The following C17orf78 variants were observed in gnomAD, a reference collection of about 807,000 sequenced individuals.
The protein encoded by C17orf78 is uncharacterized protein C17orf78.
A neutral mutation model predicts 31.8 loss-of-function variants in C17orf78; 27 were observed. That is an observed-to-expected ratio of 0.85 (90% CI 0.63 to 1.17). The LOEUF (loss-of-function observed/expected upper bound fraction) is 1.17. C17orf78 is among the 50% of genes most tolerant of loss of function. The pLI is 0.00. For synonymous variants in C17orf78, 106 were observed against 115.1 expected (o/e 0.92, Z 0.51); for missense variants, 258 against 315.2 (o/e 0.82, Z 1.37).
intron 2 of C17orf78, 121 bp from the exon 3 acceptor site, chr17:37,379,016 G>A: frequency 8.2e-7 from 1 of 1,220,352 alleles, no homozygotes; most frequent in East Asian, 2.6e-5. Flanking sequence ...AGGCTGGAGT[G>A]AGCCATGATT....
rs1222672348 is a variant in C17orf78 at position 37,376,163 on chromosome 17, C to G, written c.58+13C>G. On this transcript the variant is annotated intron_variant, in intron 1 of 6. Transcript: ENST00000615133. Reference sequence around the variant, plus strand: ...GCCAACAAGAAAGGTATGTAATTCTCTAGCCTAATCTCCTGGAAAATACAG... The same window carrying G: ...GCCAACAAGAAAGGTATGTAATTCTGTAGCCTAATCTCCTGGAAAATACAG... 2 of 1,600,726 alleles carry G rather than the reference C, an allele frequency of 1.2e-6. No homozygotes were observed. The highest frequency in any genetic ancestry group is 3.3e-5 in the Admixed American group (2 of 60,000).
At chr17:37,381,832 T>C (rs1052121228) in intron 3 of C17orf78, among the ~76,000 whole-genome samples, 8 of 151,770 alleles carry the variant, frequency 5.3e-5, no homozygotes. Context: ...TTTCACCGTG[T>C]TGGCCAGGAT....
At chr17:37,379,617 C>A (rs924443535) in intron 3 of C17orf78, among the ~76,000 whole-genome samples, 2 of 151,960 alleles carry the variant, frequency 1.3e-5, no homozygotes, top group African/African-American at 4.8e-5. Flanking sequence ...GGGCAAAGGA[C>A]ATGAACAGAC....
intron 6 of C17orf78, among the ~76,000 whole-genome samples, chr17:37,389,601 C>T (rs1188583614): frequency 3.3e-5 from 5 of 151,698 alleles, no homozygotes; most frequent in Non-Finnish European, 5.9e-5. Context: ...GCAGGAGAAT[C>T]GCTTGAACCT....
At chr17:37,390,330 A>ATATATATATATATCTATATATATATC (rs1386032855) in intron 6 of C17orf78, among the ~76,000 whole-genome samples, 1 of 41,592 alleles carries the variant, frequency 2.4e-5, no homozygotes, top group African/African-American at 1.3e-4. Context: ...ATATATATAT[A>ATATATATATATATCTATATATATATC]TATAAAAGGC....
At chr17:37,377,814 C>A in intron 1 of C17orf78, 65 bp from the exon 2 acceptor site, 3 of 1,280,188 alleles carry the variant, frequency 2.3e-6, no homozygotes, top group Non-Finnish European at 3.4e-6. Context: ...AAAGTAAGTA[C>A]CAGTAAATTC....
chr17:37,381,059 G>A (rs139204373), intron 3 of C17orf78, among the ~76,000 whole-genome samples: 13 of 151,948 alleles, frequency 8.6e-5, no homozygotes, highest in South Asian at 4.2e-4. Context: ...ATTTCCTTCC[G>A]GAGATACTCT....
At chr17:37,390,231 T>C (rs1294181316) in intron 6 of C17orf78, among the ~76,000 whole-genome samples, 1 of 53,798 alleles carries the variant, frequency 1.9e-5, no homozygotes, top group Non-Finnish European at 2.8e-5. Context: ...TATATAATTA[T>C]ATATAATATA....
chr17:37,390,267 A>G (rs1489331073), intron 6 of C17orf78, among the ~76,000 whole-genome samples: 6 of 68,686 alleles, frequency 8.7e-5, no homozygotes, highest in East Asian at 5.9e-4. Context: ...ATATAATTAT[A>G]TATAATATAT....
intron 5 of C17orf78, among the ~76,000 whole-genome samples, 175 bp from the exon 6 acceptor site, chr17:37,389,071 T>G (rs749454954): frequency 1.3e-5 from 2 of 152,212 alleles, no homozygotes; most frequent in Non-Finnish European, 2.9e-5. Flanking sequence ...GCTCACTAAA[T>G]GCAGTTCCTT....
chr17:37,387,478 A>T (rs375810041), intron 4 of C17orf78: 8 of 150,106 alleles, frequency 5.3e-5, no homozygotes, highest in African/African-American at 2.0e-4. Flanking sequence ...ATGGAGTGTC[A>T]CTCTGTCCCC....
chr17:37,391,862 G>A lies in C17orf78; in HGVS notation c.*138G>A, dbSNP rs1053291842. On this transcript the variant is annotated 3_prime_UTR_variant, in exon 7 of 7. Transcript: ENST00000615133. ...AAACACCAATTCCTGGTTAATGAAG[G>A]GAGAGTGTGGGCTTAGCAGAGTTAC... is the stretch of plus-strand genomic sequence containing the variant. The A allele has an allele frequency of 3.8e-6, 3 of 799,266 alleles. No individual in the cohort carries two copies. Among genetic ancestry groups the A allele is most frequent in the African/African-American group, 3.4e-5 (2 of 59,058 alleles). The allele number at this position is 799,266 out of a possible 1,614,324, so 49.5% of individuals were successfully genotyped here.
chr17:37,379,333 C>T lies in C17orf78; in HGVS notation c.342C>T (p.His114=). ...ACAGCTCTGCCTCCTCAAGCTGTCACCTAATCCCCACATCCAAGTTTCAGA... is the reference window on the plus strand; with the variant it reads ...ACAGCTCTGCCTCCTCAAGCTGTCATCTAATCCCCACATCCAAGTTTCAGA... ...RRNSSASSSC[H]LIPTSKFQTG... The change falls in exon 3 of 7, where the codon CAC becomes CAT. Residue 114 remains histidine, a synonymous_variant. Transcript: ENST00000615133. 6.2e-7 allele frequency: 1 copy of T among 1,613,970 alleles called. No homozygotes were observed. Among genetic ancestry groups the T allele is most frequent in the Non-Finnish European group, 8.5e-7 (1 of 1,179,878 alleles).
intron 6 of C17orf78, among the ~76,000 whole-genome samples, chr17:37,391,217 G>A (rs1210046064): frequency 6.6e-6 from 1 of 152,054 alleles, no homozygotes; most frequent in Non-Finnish European, 1.5e-5. Flanking sequence ...CAGCCTCGGT[G>A]ACAGAGCGAG....
intron 3 of C17orf78, among the ~76,000 whole-genome samples, chr17:37,382,819 C>A (rs1244303938): frequency 1.3e-5 from 2 of 152,120 alleles, no homozygotes; most frequent in African/African-American, 4.8e-5. Flanking sequence ...GAGATCACGC[C>A]ACTGCACTCC....
At chr17:37,385,473 A>C (rs1032798239) in intron 3 of C17orf78, among the ~76,000 whole-genome samples, 1 of 144,884 alleles carries the variant, frequency 6.9e-6, no homozygotes, top group Non-Finnish European at 1.5e-5. Flanking sequence ...ACCCTGTCTT[A>C]AAAAAAAAAA....
chr17:37,378,543 T>A (rs909231485), intron 2 of C17orf78, among the ~76,000 whole-genome samples: 1 of 151,994 alleles, frequency 6.6e-6, no homozygotes, highest in Admixed American at 6.6e-5. Flanking sequence ...TGAAACCCCA[T>A]CTCTACTAAA....
intron 5 of C17orf78, 56 bp from the exon 6 acceptor site, chr17:37,389,190 A>G (rs2050679637): frequency 6.5e-7 from 1 of 1,535,830 alleles, no homozygotes; most frequent in African/African-American, 1.4e-5. Context: ...GGTTTGGAAG[A>G]AAACCAAATG....
intron 4 of C17orf78, chr17:37,387,133 GT>G (rs1465978270): frequency 6.6e-6 from 1 of 151,744 alleles, no homozygotes; most frequent in African/African-American, 2.4e-5. Flanking sequence ...GCATATATTT[GT>G]TTTGATATGG....
Sources: allele counts gnomAD v4.1 joint callset (sites outside exome capture counted in the v4.1 genomes callset), GRCh38; gene constraint gnomAD v4.1.1; transcripts MANE v1.5; gene names NCBI Gene and HGNC (gene_info 2026-07-23, HGNC 2026-07-21).